Variants in SLC35F1 observed in about 807,000 individuals in gnomAD.
The protein encoded by SLC35F1 is chromosome 6 open reading frame 169.
Under a neutral mutation model 48.7 loss-of-function variants are expected in SLC35F1, and 14 were observed. The observed-to-expected ratio is 0.29, with a 90% CI of 0.19 to 0.45. SLC35F1 has a LOEUF of 0.45. Ranked by LOEUF, SLC35F1 falls within the 20% of genes least tolerant of loss-of-function variation. SLC35F1 has a pLI of 1.00. For synonymous variants in SLC35F1, 190 were observed against 202.2 expected, an observed-to-expected ratio of 0.94 and a Z score of 0.51; for missense variants, 404 against 500.0, an observed-to-expected ratio of 0.81 and a Z score of 1.83.
At chr6:118,173,199 T>G (rs1001382096) in intron 2 of SLC35F1, among the ~76,000 whole-genome samples, 5 of 151,892 alleles carry the variant, frequency 3.3e-5, no homozygotes, top group African/African-American at 9.7e-5. Context: ...TCTCATTCTA[T>G]CAACAAAAAC....
chr6:118,070,005 G>A (rs372368662), intron 1 of SLC35F1, among the ~76,000 whole-genome samples: 127 of 151,134 alleles, frequency 8.4e-4, no homozygotes, highest in African/African-American at 3.0e-3. Flanking sequence ...GCGCGGTGGC[G>A]GGCGCCTGTA....
intron 3 of SLC35F1, among the ~76,000 whole-genome samples, chr6:118,252,307 A>G (rs1421799428): frequency 6.6e-6 from 1 of 151,992 alleles, no homozygotes; most frequent in Non-Finnish European, 1.5e-5. Flanking sequence ...GTCGATGTGG[A>G]TAGAGGTGGT....
At chr6:117,998,250 T>C (rs1332937399) in intron 1 of SLC35F1, among the ~76,000 whole-genome samples, 1 of 145,734 alleles carries the variant, frequency 6.9e-6, no homozygotes, top group Non-Finnish European at 1.5e-5. Flanking sequence ...ATGCACCCAA[T>C]ACAGGAGCAC....
intron 1 of SLC35F1, among the ~76,000 whole-genome samples, chr6:118,138,778 T>G (rs1773836828): frequency 6.6e-6 from 1 of 152,150 alleles, no homozygotes; most frequent in Non-Finnish European, 1.5e-5. Context: ...ATCCATTTCA[T>G]GCATAAACAA....
chr6:117,910,863 G>A (rs570482293), intron 1 of SLC35F1, among the ~76,000 whole-genome samples: 13 of 152,270 alleles, frequency 8.5e-5, no homozygotes, highest in Middle Eastern at 3.4e-3. Context: ...AAACACATAC[G>A]CTATCTATAT....
At chr6:117,943,048 T>A (rs751459663) in intron 1 of SLC35F1, among the ~76,000 whole-genome samples, 4 of 152,218 alleles carry the variant, frequency 2.6e-5, no homozygotes, top group Non-Finnish European at 4.4e-5. Flanking sequence ...CAAGTGCCTC[T>A]GAGACAATTT....
chr6:118,291,242 TACACACACACACACACAC>T (rs10603708), intron 7 of SLC35F1, among the ~76,000 whole-genome samples: 24 of 148,704 alleles, frequency 1.6e-4, no homozygotes, highest in Middle Eastern at 3.5e-3. Flanking sequence ...GTATCATGTA[TACACACACACACACACAC>T]ACACACACAC....
At chr6:118,310,881 C>T (rs1776364699) in intron 7 of SLC35F1, among the ~76,000 whole-genome samples, 1 of 152,154 alleles carries the variant, frequency 6.6e-6, no homozygotes, top group Admixed American at 6.5e-5. Context: ...TTAAGCAGTA[C>T]ATTACAATAG....
chr6:117,950,924 A>T (rs1018985522), intron 1 of SLC35F1, among the ~76,000 whole-genome samples: 6 of 152,152 alleles, frequency 3.9e-5, no homozygotes, highest in East Asian at 1.9e-4. Flanking sequence ...ATGGAAATAA[A>T]TTTTTTTCAT....
chr6:117,957,577 G>A (rs1472019854), intron 1 of SLC35F1, among the ~76,000 whole-genome samples: 1 of 152,312 alleles, frequency 6.6e-6, no homozygotes, highest in East Asian at 1.9e-4. Flanking sequence ...AAAGTTGTGA[G>A]TCCTTGGTAC....
intron 2 of SLC35F1, among the ~76,000 whole-genome samples, chr6:118,189,608 G>T (rs1774706125): frequency 1.3e-5 from 2 of 152,170 alleles, no homozygotes; most frequent in Admixed American, 1.3e-4. Flanking sequence ...CTATGCAGAA[G>T]TTTTTGAGTT....
chr6:118,021,625 G>A (rs1214346924), intron 1 of SLC35F1, among the ~76,000 whole-genome samples: 3 of 152,152 alleles, frequency 2.0e-5, no homozygotes, highest in Non-Finnish European at 4.4e-5. Flanking sequence ...ACAACACAGA[G>A]ATCATGCCTC....
chr6:118,215,598 C>T (rs1024687553), intron 2 of SLC35F1, among the ~76,000 whole-genome samples: 1 of 152,110 alleles, frequency 6.6e-6, no homozygotes. Flanking sequence ...ATATGATGGA[C>T]AGAGAGGTGA....
chr6:118,173,385 T>TAAAAAAA (rs571653145), intron 2 of SLC35F1, among the ~76,000 whole-genome samples: 31 of 129,278 alleles, frequency 2.4e-4, no homozygotes, highest in African/African-American at 1.0e-3. Flanking sequence ...AAGAGTTAGT[T>TAAAAAAA]AAAAAAAAAA....
intron 1 of SLC35F1, among the ~76,000 whole-genome samples, chr6:118,014,192 C>T (rs1777289422): frequency 6.6e-6 from 1 of 151,972 alleles, no homozygotes; most frequent in Non-Finnish European, 1.5e-5. Flanking sequence ...TAAAATAAGA[C>T]ATCGTATATA....
At chr6:117,997,453 A>C (rs1311087542) in intron 1 of SLC35F1, among the ~76,000 whole-genome samples, 31 of 151,814 alleles carry the variant, frequency 2.0e-4, no homozygotes, top group Non-Finnish European at 2.9e-4. Flanking sequence ...GAGAAGAGCA[A>C]CTCCAAGACA....
At chr6:118,093,540 G>A (rs1562287927) in intron 1 of SLC35F1, among the ~76,000 whole-genome samples, 2 of 152,140 alleles carry the variant, frequency 1.3e-5, no homozygotes, top group African/African-American at 4.8e-5. Context: ...GTTTTATAAA[G>A]GGAACTTCCG....
intron 2 of SLC35F1, among the ~76,000 whole-genome samples, chr6:118,213,069 C>T (rs1361251514): frequency 6.6e-6 from 1 of 152,088 alleles, no homozygotes; most frequent in African/African-American, 2.4e-5. Flanking sequence ...AGTTTGAATC[C>T]ATCTGGGCAT....
intron 7 of SLC35F1, among the ~76,000 whole-genome samples, chr6:118,297,564 G>T (rs1266484857): frequency 6.7e-6 from 1 of 149,652 alleles, no homozygotes; most frequent in African/African-American, 2.5e-5. Context: ...TTGAAAACAT[G>T]TCTACTCTTT....
Sources: gnomAD v4.1 joint callset for allele counts (sites outside exome capture counted in the v4.1 genomes callset) on GRCh38, gnomAD v4.1.1 for gene constraint, MANE v1.5 for transcripts, NCBI Gene and HGNC (gene_info 2026-07-23, HGNC 2026-07-21) for gene names.